The following SPAG16 variants were observed in gnomAD, a reference collection of about 807,000 sequenced individuals.
The protein encoded by SPAG16 is sperm-associated antigen 16 protein.
Under a neutral mutation model 80.4 loss-of-function variants are expected in SPAG16, and 86 were observed. The observed-to-expected ratio is 1.07, with a 90% CI of 0.90 to 1.28. The LOEUF is 1.28. Among genes scored for constraint, SPAG16 ranks in the 50% most tolerant of loss-of-function variants. The pLI, the probability that SPAG16 is intolerant of heterozygous loss-of-function variation, is 0.00. For missense variants in SPAG16, 870 were observed against 765.3 expected (o/e 1.14, Z -1.61); for synonymous variants, 294 against 265.9 (o/e 1.11, Z -1.03).
intron 14 of SPAG16, among the ~76,000 whole-genome samples, chr2:214,111,553 G>A (rs1250604031): frequency 6.6e-6 from 1 of 152,194 alleles, no homozygotes; most frequent in East Asian, 1.9e-4. Context: ...ATAGTTTGAA[G>A]TCAGGTAGCG....
intron 3 of SPAG16, among the ~76,000 whole-genome samples, 187 bp from the exon 4 acceptor site, chr2:213,309,872 A>G (rs1236526048): frequency 6.6e-6 from 1 of 152,080 alleles, no homozygotes; most frequent in Non-Finnish European, 1.5e-5. Flanking sequence ...ATAGGAGGAC[A>G]GAGATTTGTT....
intron 13 of SPAG16, among the ~76,000 whole-genome samples, chr2:214,059,619 CTCAT>C (rs2050150576): frequency 6.6e-6 from 1 of 151,948 alleles, no homozygotes. Context: ...TTTGATGGTC[CTCAT>C]TCATTTTATG....
chr2:214,406,031 G>A (rs917108384), intron 15 of SPAG16, among the ~76,000 whole-genome samples: 1 of 152,142 alleles, frequency 6.6e-6, no homozygotes, highest in Non-Finnish European at 1.5e-5. Flanking sequence ...AGGTTTTTGT[G>A]CTCCTACTTG....
Position 214,177,997 on chromosome 2 carries a change from ATATATATATATATATT to A in SPAG16, c.1720+28732_1720+28747del, listed in dbSNP as rs1442902128. 7.0e-4 allele frequency among the ~76,000 whole-genome samples: 43 copies of A among 61,834 alleles called. 3 individuals are homozygous for A. Among genetic ancestry groups the A allele is most frequent in the Non-Finnish European group, 1.6e-3 (35 of 21,578 alleles). 40.6% of individuals were successfully genotyped at this position (61,834 alleles called of 152,430 possible). ...TATATATATATATATATATATATATATATATATATATATATTCATACTTTATTTGTACATATAAACT... is the reference window on the plus strand; with the variant it reads ...TATATATATATATATATATATATATACATACTTTATTTGTACATATAAACT... On this transcript the variant is annotated intron_variant, in intron 15 of 15. Transcript: ENST00000331683.
intron 9 of SPAG16, among the ~76,000 whole-genome samples, chr2:213,460,303 C>T (rs1218167568): frequency 6.6e-6 from 1 of 152,140 alleles, no homozygotes; most frequent in Non-Finnish European, 1.5e-5. Flanking sequence ...TAATACCATT[C>T]TCTGTGTGCA....
intron 10 of SPAG16, among the ~76,000 whole-genome samples, chr2:213,614,053 T>A (rs1468505246): frequency 6.6e-6 from 1 of 152,224 alleles, no homozygotes; most frequent in Admixed American, 6.5e-5. Flanking sequence ...TCCTGTTGTG[T>A]TGGGAGAACA....
intron 10 of SPAG16, among the ~76,000 whole-genome samples, chr2:213,530,728 G>T: frequency 6.6e-6 from 1 of 152,028 alleles, no homozygotes; most frequent in Admixed American, 6.6e-5. Flanking sequence ...CTATTATCTA[G>T]TAACTTTCTC....
chr2:213,724,576 G>A (rs1029204126), intron 10 of SPAG16, among the ~76,000 whole-genome samples: 1 of 151,318 alleles, frequency 6.6e-6, no homozygotes, highest in Admixed American at 6.6e-5. Context: ...TCCGGAGTTC[G>A]AGACCATCCT....
intron 10 of SPAG16, among the ~76,000 whole-genome samples, chr2:213,538,024 T>C (rs1294367654): frequency 6.6e-6 from 1 of 152,204 alleles, no homozygotes; most frequent in Non-Finnish European, 1.5e-5. Flanking sequence ...GAATGTTTGC[T>C]CTACTTTTAT....
At chr2:214,341,831 C>A (rs1697720909) in intron 15 of SPAG16, among the ~76,000 whole-genome samples, 1 of 152,054 alleles carries the variant, frequency 6.6e-6, no homozygotes, top group Admixed American at 6.5e-5. Flanking sequence ...AACTAGAAAA[C>A]AACTGACTCA....
intron 10 of SPAG16, among the ~76,000 whole-genome samples, chr2:213,834,123 C>T (rs1409725880): frequency 1.3e-5 from 2 of 152,076 alleles, no homozygotes; most frequent in African/African-American, 4.8e-5. Context: ...CTTGCCACTG[C>T]CACGTAGAAA....
intron 15 of SPAG16, among the ~76,000 whole-genome samples, chr2:214,298,151 CACACATAT>C (rs1411500664): frequency 3.5e-4 from 4 of 11,538 alleles, no homozygotes; most frequent in African/African-American, 7.6e-4. Context: ...TACACACACA[CACACATAT>C]ACACACACAC....
chr2:213,607,838 TCAGGTGCAA>T (rs1318758922), intron 10 of SPAG16, among the ~76,000 whole-genome samples: 2 of 152,234 alleles, frequency 1.3e-5, no homozygotes, highest in African/African-American at 4.8e-5. Flanking sequence ...TGATAATTTG[TCAGGTGCAA>T]CTGCCTCCGA....
intron 8 of SPAG16, among the ~76,000 whole-genome samples, chr2:213,374,430 G>A (rs1465247930): frequency 6.8e-6 from 1 of 147,750 alleles, no homozygotes; most frequent in African/African-American, 2.4e-5. Flanking sequence ...TTATATATGT[G>A]TATGTATTAT....
chr2:213,445,249 G>A (rs773384131), intron 9 of SPAG16, among the ~76,000 whole-genome samples: 15 of 152,116 alleles, frequency 9.9e-5, no homozygotes, highest in Non-Finnish European at 1.6e-4. Flanking sequence ...ACTTGCAAAC[G>A]ATTCAACTGA....
chr2:213,996,984 G>C (rs2046553038), intron 12 of SPAG16, among the ~76,000 whole-genome samples: 1 of 152,108 alleles, frequency 6.6e-6, no homozygotes, highest in African/African-American at 2.4e-5. Context: ...GAATGCTCTA[G>C]GGTCTGGAAA....
intron 5 of SPAG16, among the ~76,000 whole-genome samples, chr2:213,323,243 A>G (rs2063699532): frequency 6.6e-6 from 1 of 152,190 alleles, no homozygotes; most frequent in Non-Finnish European, 1.5e-5. Context: ...GATCAAGACC[A>G]TCCTGGCTAA....
At chr2:213,729,886 G>C (rs2066948284) in intron 10 of SPAG16, among the ~76,000 whole-genome samples, 1 of 152,158 alleles carries the variant, frequency 6.6e-6, no homozygotes, top group Admixed American at 6.5e-5. Flanking sequence ...CAGTGACCAA[G>C]TCCTCTATAT....
intron 11 of SPAG16, among the ~76,000 whole-genome samples, chr2:213,916,956 G>C (rs1410939666): frequency 1.3e-5 from 2 of 152,116 alleles, no homozygotes; most frequent in East Asian, 3.8e-4. Flanking sequence ...AATCCACCTT[G>C]AGTTTATTTT....
Sources: gnomAD v4.1 joint callset for allele counts (sites outside exome capture counted in the v4.1 genomes callset) on GRCh38, gnomAD v4.1.1 for gene constraint, MANE v1.5 for transcripts, NCBI Gene and HGNC (gene_info 2026-07-23, HGNC 2026-07-21) for gene names.